SPATA13: variants seen among roughly 807,000 people sequenced by gnomAD.
SPATA13 encodes the protein spermatogenesis-associated protein 13.
In SPATA13, 50 loss-of-function variants were observed where a neutral mutation model predicts 104.0. The observed-to-expected ratio is 0.48, with a 90% CI of 0.38 to 0.61. The LOEUF (loss-of-function observed/expected upper bound fraction) is 0.61. SPATA13 is among the 20% of genes least tolerant of loss of function. The pLI is 0.00. For missense variants in SPATA13, 1,524 were observed against 1,690.6 expected (o/e 0.90, Z 1.73); for synonymous variants, 606 against 667.5 (o/e 0.91, Z 1.42).
intron 2 of SPATA13, among the ~76,000 whole-genome samples, chr13:24,239,729 C>T (rs1872744559): frequency 1.7e-5 from 2 of 116,822 alleles, no homozygotes; most frequent in African/African-American, 6.5e-5. Context: ...ATAGAGAAAG[C>T]AGGTTGCTAA....
chr13:24,182,947 A>AG (rs1242485856), intron 1 of SPATA13, among the ~76,000 whole-genome samples: 1 of 152,132 alleles, frequency 6.6e-6, no homozygotes, highest in Non-Finnish European at 1.5e-5. Context: ...CTTGGTGCCC[A>AG]GGGTGGCTTA....
chr13:24,146,506 G>A (rs1881937431), intron 3 of SPATA13, among the ~76,000 whole-genome samples: 1 of 152,158 alleles, frequency 6.6e-6, no homozygotes, highest in African/African-American at 2.4e-5. Flanking sequence ...ACATAACTAA[G>A]TACTCTATAA....
At chr13:24,059,949 T>C (rs924029304) in intron 3 of SPATA13, among the ~76,000 whole-genome samples, 5 of 152,248 alleles carry the variant, frequency 3.3e-5, no homozygotes, top group Non-Finnish European at 2.9e-5. Context: ...GCTTCCAGCT[T>C]TTGTCTTTTC....
At chr13:24,100,494 T>A (rs1880225061) in intron 3 of SPATA13, among the ~76,000 whole-genome samples, 1 of 152,232 alleles carries the variant, frequency 6.6e-6, no homozygotes, top group Non-Finnish European at 1.5e-5. Flanking sequence ...CTCTCTCAGC[T>A]ATTTCCAGTA....
intron 3 of SPATA13, among the ~76,000 whole-genome samples, chr13:24,058,124 A>G (rs1878634059): frequency 6.6e-6 from 1 of 151,766 alleles, no homozygotes; most frequent in Admixed American, 6.6e-5. Context: ...GTATTTATTT[A>G]CCTTTACATA....
intron 2 of SPATA13, among the ~76,000 whole-genome samples, chr13:24,247,811 C>G (rs577872163): frequency 6.6e-6 from 1 of 152,268 alleles, no homozygotes; most frequent in East Asian, 1.9e-4. Flanking sequence ...GGCACGTGGC[C>G]TCAGTGAGCA....
At chr13:24,138,282 G>A (rs1239054571) in intron 3 of SPATA13, among the ~76,000 whole-genome samples, 10 of 150,476 alleles carry the variant, frequency 6.6e-5, no homozygotes, top group South Asian at 2.1e-4. Flanking sequence ...GTCCAGCCCA[G>A]GGGACAGAGC....
At chr13:23,981,955 G>C (rs1166537118) in intron 1 of SPATA13, among the ~76,000 whole-genome samples, 1 of 152,192 alleles carries the variant, frequency 6.6e-6, no homozygotes, top group Non-Finnish European at 1.5e-5. Flanking sequence ...CTGAAGATGT[G>C]TTCTTCCAAC....
intron 3 of SPATA13, among the ~76,000 whole-genome samples, chr13:24,096,063 C>T (rs1384843669): frequency 6.6e-6 from 1 of 152,142 alleles, no homozygotes; most frequent in Non-Finnish European, 1.5e-5. Flanking sequence ...TCCCAGAGCC[C>T]TCACTATCTG....
chr13:24,122,744 A>T, intron 3 of SPATA13: 1 of 849,690 alleles, frequency 1.2e-6, no homozygotes, highest in Non-Finnish European at 2.1e-6. Flanking sequence ...AATCAAAGCC[A>T]TCTTGCTGGA....
rs144684055 is a variant in SPATA13 at position 24,067,390 on chromosome 13, G to A, written c.-112+49689G>A. Among the ~76,000 whole-genome samples the A allele has an allele frequency of 3.8e-3, 585 of 152,276 alleles. 2 individuals carry two copies. Among genetic ancestry groups the A allele is most frequent in the South Asian group, 0.016 (79 of 4,822 alleles). ...CATAATTAGGTCAAATAGGGATTTA[G>A]TCATTAAACTTAAGAGCATCAAAAC... is the stretch of plus-strand genomic sequence containing the variant. On this transcript the variant is annotated intron_variant, in intron 3 of 14. Transcript: ENST00000424834.
At chr13:24,155,497 CG>C (rs1882231633) in intron 3 of SPATA13, among the ~76,000 whole-genome samples, 1 of 152,054 alleles carries the variant, frequency 6.6e-6, no homozygotes, top group African/African-American at 2.4e-5. Flanking sequence ...CACACACTCT[CG>C]GTGCCTAGAT....
At position 24,223,245 on chromosome 13, in the gene SPATA13, G is replaced by A. The variant is rs143142817; in HGVS notation, c.316G>A (p.Ala106Thr). ...GAACTCCTCCACATGGAACACCCTC[G>A]CCTCCTTCCGGAAAATGGGATCCTT... Reference protein sequence around the residue: ...VGNSSTWNTLASFRKMGSFKK... With the variant: ...VGNSSTWNTLTSFRKMGSFKK... Residue 106 changes from alanine to threonine, a missense_variant, in exon 2 of 13, where the codon GCC becomes ACC. By Grantham distance (58) the Ala-to-Thr change is moderately conservative. Coordinates refer to ENST00000382108, the MANE Select transcript of SPATA13 (RefSeq NM_001166271.3). 1,310 of 1,551,650 alleles carry A rather than the reference G, an allele frequency of 8.4e-4. 19 individuals are homozygous for A. The East Asian group carries it at 0.026, about 31-fold the overall frequency.
chr13:23,992,867 G>T (rs1875478928), intron 2 of SPATA13, among the ~76,000 whole-genome samples: 1 of 152,222 alleles, frequency 6.6e-6, no homozygotes, highest in Non-Finnish European at 1.5e-5. Context: ...CTGCTGCCAT[G>T]TGTGTAAAGT....
intron 1 of SPATA13, among the ~76,000 whole-genome samples, chr13:24,196,915 T>C (rs1870087688): frequency 6.6e-6 from 1 of 151,606 alleles, no homozygotes; most frequent in South Asian, 2.1e-4. Context: ...AAAAAAACAG[T>C]TTGAAGAGGA....
At position 24,004,268 on chromosome 13, in the gene SPATA13, C is replaced by G. The variant is rs577833657; in HGVS notation, c.-146-13399C>G. Among the ~76,000 whole-genome samples the G allele has an allele frequency of 1.3e-3, 191 of 152,306 alleles. 2 individuals are homozygous for G. The highest frequency in any genetic ancestry group is 4.4e-3 in the African/African-American group (181 of 41,564). On this transcript the variant is annotated intron_variant, in intron 2 of 14. Coordinates refer to the SPATA13 transcript ENST00000424834. ...ACAATTTTGCTCTGCAGTCATCAGT[C>G]AATAAAGAGTCAGGAGTGAAATCCC...
At chr13:24,096,227 G>A (rs9553170) in intron 3 of SPATA13, among the ~76,000 whole-genome samples, 20,535 of 152,168 alleles carry the variant, frequency 0.13, 1,905 homozygotes, top group African/African-American at 0.26. Flanking sequence ...TTATAGTCTC[G>A]GGAGGATATC....
Position 24,189,863 on chromosome 13 carries a change from TATATA to T in SPATA13, c.-112+28939_-112+28943del, listed in dbSNP as rs1566140699. 6.9e-5 allele frequency among the ~76,000 whole-genome samples: 2 copies of T among 29,028 alleles called. 1 individual carries two copies. The highest frequency in any genetic ancestry group is 1.2e-4 in the African/African-American group (2 of 16,356). 19.0% of individuals were successfully genotyped at this position (29,028 alleles called of 152,430 possible). A position where few individuals can be genotyped will look rare whatever the true frequency, so the allele number is the denominator to read the frequency against. ...TTTAATATATTATATTAATATATCA[TATATA>T]ATATAATTATATATCATAATATATA... On this transcript the variant is annotated intron_variant, in intron 1 of 12. Transcript: ENST00000382108.
intron 1 of SPATA13, among the ~76,000 whole-genome samples, chr13:24,221,806 A>AT (rs35282665): frequency 0.26 from 31,849 of 122,400 alleles, 4,763 homozygotes; most frequent in Middle Eastern, 0.32. Context: ...TTACCTCTGA[A>AT]TTTTTTTTTT....
Sources: allele counts gnomAD v4.1 joint callset (sites outside exome capture counted in the v4.1 genomes callset), GRCh38; gene constraint gnomAD v4.1.1; transcripts MANE v1.5; gene names NCBI Gene and HGNC (gene_info 2026-07-23, HGNC 2026-07-21).